ESRP1: variants seen among roughly 807,000 people sequenced by gnomAD.
The protein encoded by ESRP1 is RNA-binding motif protein 35A.
A neutral mutation model predicts 81.7 loss-of-function variants in ESRP1; 33 were observed. The ratio of observed to expected loss-of-function variants is 0.40; its 90% CI spans 0.31 to 0.54. The LOEUF (loss-of-function observed/expected upper bound fraction) is 0.54, where lower values mean the gene tolerates loss of function less well. ESRP1 is among the 20% of genes least tolerant of loss of function. The pLI is 0.41. For missense variants in ESRP1, 672 were observed against 833.1 expected (o/e 0.81, Z 2.38); for synonymous variants, 320 against 303.3 (o/e 1.06, Z -0.57).
intron 13 of ESRP1, among the ~76,000 whole-genome samples, chr8:94,684,991 TGTG>T (rs958820166): frequency 4.6e-5 from 7 of 150,740 alleles, no homozygotes; most frequent in African/African-American, 1.7e-4. Context: ...TCGTGCTCAT[TGTG>T]GTGTGGGAGA....
chr8:94,679,235 G>A (rs951015109), intron 13 of ESRP1, among the ~76,000 whole-genome samples: 3 of 152,110 alleles, frequency 2.0e-5, no homozygotes, highest in African/African-American at 4.8e-5. Flanking sequence ...TAATGCTATT[G>A]AAAATATTTT....
intron 4 of ESRP1, among the ~76,000 whole-genome samples, chr8:94,657,769 CTG>C: frequency 6.6e-6 from 1 of 152,188 alleles, no homozygotes; most frequent in East Asian, 1.9e-4. Flanking sequence ...CTTTTGATCT[CTG>C]TCTTCTTCAG....
intron 3 of ESRP1, among the ~76,000 whole-genome samples, chr8:94,644,586 C>CT (rs1817755119): frequency 6.6e-6 from 1 of 152,104 alleles, no homozygotes; most frequent in Non-Finnish European, 1.5e-5. Context: ...GTAAGGATTA[C>CT]TTTTTTACTC....
intron 3 of ESRP1, among the ~76,000 whole-genome samples, chr8:94,644,938 G>A (rs948287730): frequency 6.6e-5 from 10 of 152,174 alleles, no homozygotes; most frequent in Non-Finnish European, 1.3e-4. Context: ...TATTTACAAA[G>A]AGCATTCATA....
rs1277544577 is a variant in ESRP1 at position 94,697,431 on chromosome 8, CTA to C, written c.*35+472_*35+473del. ...CTGGCAACTAATCTGCTTTCTGTCT[CTA>C]TGGATTTGGCTATTCTGGATATTTC... is the stretch of plus-strand genomic sequence containing the variant. On this transcript the variant is annotated intron_variant, in intron 15 of 15. Coordinates refer to ENST00000433389, the MANE Select transcript of ESRP1 (RefSeq NM_017697.4). Among the ~76,000 whole-genome samples, 4 of 152,172 alleles carry C rather than the reference CTA, an allele frequency of 2.6e-5. No homozygotes were observed. The South Asian group carries it at 8.3e-4, about 32-fold the overall frequency.
intron 12 of ESRP1, among the ~76,000 whole-genome samples, chr8:94,675,427 GTAT>G (rs1249844356): frequency 2.6e-5 from 4 of 152,184 alleles, no homozygotes; most frequent in East Asian, 1.9e-4. Context: ...GTTTGGTAAA[GTAT>G]TATTTGTAGA....
chr8:94,697,181 A>G lies in ESRP1; in HGVS notation c.*35+220A>G, dbSNP rs796582960. ...GAGAGTTGTTTGTTACTGTGGGGCA[A>G]GGGAAAACTTTTCCCTTTGGACATT... On this transcript the variant is annotated intron_variant, in intron 15 of 15. Transcript: ENST00000433389. Among the ~76,000 whole-genome samples the G allele has an allele frequency of 1.1e-4, 17 of 152,350 alleles. No individual in the cohort carries two copies. The South Asian group carries it at 2.5e-3, about 22-fold the overall frequency.
chr8:94,651,441 A>G (rs142949008), intron 4 of ESRP1, among the ~76,000 whole-genome samples: 279 of 152,124 alleles, frequency 1.8e-3, no homozygotes, highest in African/African-American at 6.4e-3. Flanking sequence ...CAAGTTGTAG[A>G]GTCACAAAGT....
intron 15 of ESRP1, among the ~76,000 whole-genome samples, chr8:94,702,776 C>A (rs1050629749): frequency 1.3e-5 from 2 of 152,158 alleles, no homozygotes; most frequent in African/African-American, 4.8e-5. Context: ...AGCCGCCACG[C>A]CCAGCCTTCA....
intron 13 of ESRP1, among the ~76,000 whole-genome samples, chr8:94,682,548 G>T (rs1413489597): frequency 3.3e-5 from 5 of 151,676 alleles, no homozygotes; most frequent in African/African-American, 1.2e-4. Context: ...TTGACTTTTT[G>T]TGGAGACGGG....
intron 9 of ESRP1, among the ~76,000 whole-genome samples, chr8:94,667,452 A>AGC (rs1819089074): frequency 6.6e-6 from 1 of 150,830 alleles, no homozygotes; most frequent in Non-Finnish European, 1.5e-5. Context: ...AAAAAAGGTA[A>AGC]TTGAGTTACT....
chr8:94,654,929 A>G (rs1818321219), intron 4 of ESRP1, among the ~76,000 whole-genome samples: 1 of 151,798 alleles, frequency 6.6e-6, no homozygotes, highest in African/African-American at 2.4e-5. Flanking sequence ...CAAAAAAAAA[A>G]AAAGAAAAAA....
At chr8:94,679,813 C>T (rs2130667998) in intron 13 of ESRP1, among the ~76,000 whole-genome samples, 1 of 152,264 alleles carries the variant, frequency 6.6e-6, no homozygotes, top group Non-Finnish European at 1.5e-5. Flanking sequence ...GTGTATGCTT[C>T]TAAATAATGT....
Position 94,646,197 on chromosome 8 carries a change from C to A in ESRP1, c.405C>A (p.Ser135=). ...TACTATTACCTGAATGCTTCTATTC[C>A]TTTTTTGATCTTCGAAAAGAATTCA... ...KNVLLPECFY[S]FFDLRKEFKK... is the part of the protein sequence containing the mutation. Residue 135 remains serine (S), a synonymous_variant, in exon 4 of 16, where the codon TCC becomes TCA. Transcript: ENST00000433389. The A allele has an allele frequency of 6.2e-7, 1 of 1,611,532 alleles. No homozygotes were observed. The highest frequency in any genetic ancestry group is 1.1e-5 in the South Asian group (1 of 90,828).
intron 13 of ESRP1, among the ~76,000 whole-genome samples, chr8:94,678,652 A>T (rs1808738411): frequency 6.6e-6 from 1 of 152,250 alleles, no homozygotes; most frequent in South Asian, 2.1e-4. Context: ...TAGTGATGTG[A>T]TCACTGCAAT....
At chr8:94,682,641 A>AATCCTCC (rs776546237) in intron 13 of ESRP1, among the ~76,000 whole-genome samples, 47,037 of 151,570 alleles carry the variant, frequency 0.31, 8,704 homozygotes, top group East Asian at 0.56. Flanking sequence ...TGCTGGGATT[A>AATCCTCC]CAGGTGTGAG....
chr8:94,704,441 C>T (rs901950423), intron 15 of ESRP1, among the ~76,000 whole-genome samples: 1 of 151,742 alleles, frequency 6.6e-6, no homozygotes, highest in African/African-American at 2.4e-5. Context: ...TAGGGAGACC[C>T]CATCTCTAAA....
At chr8:94,643,137 G>T (rs915773731) in intron 2 of ESRP1, among the ~76,000 whole-genome samples, 166 bp from the exon 3 acceptor site, 3 of 152,226 alleles carry the variant, frequency 2.0e-5, no homozygotes, top group Non-Finnish European at 4.4e-5. Context: ...CCTCGAGGAA[G>T]CTAGACGGTT....
intron 13 of ESRP1, among the ~76,000 whole-genome samples, chr8:94,689,287 A>T (rs945357889): frequency 6.7e-6 from 1 of 150,278 alleles, no homozygotes; most frequent in African/African-American, 2.4e-5. Context: ...ATATTTATGA[A>T]CATGGGCTGC....
Sources: gnomAD v4.1 joint callset for allele counts (sites outside exome capture counted in the v4.1 genomes callset) on GRCh38, gnomAD v4.1.1 for gene constraint, MANE v1.5 for transcripts, NCBI Gene and HGNC (gene_info 2026-07-23, HGNC 2026-07-21) for gene names.